MACROD1: variants seen among roughly 807,000 people sequenced by gnomAD.
The protein encoded by MACROD1 is mono-ADP ribosylhydrolase 1.
MACROD1 carries 31 observed loss-of-function variants against 41.4 expected under a neutral mutation model. The observed-to-expected ratio is 0.75, with a 90% CI of 0.56 to 1.01. The LOEUF (loss-of-function observed/expected upper bound fraction) is 1.01, where lower values mean the gene tolerates loss of function less well. Among genes scored for constraint, MACROD1 ranks in the 50% least tolerant of loss-of-function variants. The pLI, the probability that MACROD1 is intolerant of heterozygous loss-of-function variation, is 0.00. For synonymous variants in MACROD1, 252 were observed against 203.4 expected (o/e 1.24, Z -2.03); for missense variants, 473 against 460.0 (o/e 1.03, Z -0.26).
chr11:64,072,258 G>C (rs889825649), intron 3 of MACROD1, among the ~76,000 whole-genome samples: 1 of 152,092 alleles, frequency 6.6e-6, no homozygotes, highest in East Asian at 1.9e-4. Flanking sequence ...CCCACAGATG[G>C]GTACAGGGGT....
chr11:64,151,125 C>A, intron 3 of MACROD1, 114 bp downstream of exon 3: 1 of 867,432 alleles, frequency 1.2e-6, no homozygotes, highest in South Asian at 1.5e-5. Context: ...GCTGTCCTTG[C>A]CAGCAACCCG....
chr11:64,043,069 A>T (rs1943518734), intron 3 of MACROD1, among the ~76,000 whole-genome samples: 1 of 152,196 alleles, frequency 6.6e-6, no homozygotes, highest in Non-Finnish European at 1.5e-5. Context: ...GTTACTTATC[A>T]TCTGAGTACC....
At chr11:64,030,984 T>C (rs1565201005) in intron 3 of MACROD1, among the ~76,000 whole-genome samples, 1 of 149,822 alleles carries the variant, frequency 6.7e-6, no homozygotes, top group Admixed American at 6.6e-5. Flanking sequence ...TGAGGAGGAG[T>C]TGGTTAGGAC....
chr11:64,066,060 G>A (rs778284183), intron 3 of MACROD1, among the ~76,000 whole-genome samples: 1 of 151,922 alleles, frequency 6.6e-6, no homozygotes, highest in Non-Finnish European at 1.5e-5. Flanking sequence ...CTTTGTGGGG[G>A]CTGAGGTGGG....
intron 3 of MACROD1, chr11:64,081,600 CAGGG>C (rs1944304749): frequency 6.6e-6 from 1 of 150,394 alleles, no homozygotes; most frequent in Non-Finnish European, 1.5e-5. Context: ...AGGCCAAAGA[CAGGG>C]AGCAAGGTGA....
intron 3 of MACROD1, among the ~76,000 whole-genome samples, chr11:64,086,316 C>T (rs969542939): frequency 2.6e-5 from 4 of 152,090 alleles, no homozygotes; most frequent in Admixed American, 6.5e-5. Flanking sequence ...CCGGCACCTG[C>T]ACAGCCTGGG....
At position 64,118,338 on chromosome 11, in the gene MACROD1, C is replaced by A. The variant is rs754188520; in HGVS notation, c.517+32901G>T. On this transcript the variant is annotated intron_variant, in intron 3 of 10. Transcript: ENST00000255681. Reference sequence around the variant, plus strand: ...CCCGCCTCAGCCCCAGCTGCCCTGGCGTGGCCATGTGGCTTTGCCCAGCCT... The same window carrying A: ...CCCGCCTCAGCCCCAGCTGCCCTGGAGTGGCCATGTGGCTTTGCCCAGCCT... 7 of 1,507,966 alleles carry A rather than the reference C, an allele frequency of 4.6e-6. No homozygotes were observed. The Admixed American group carries it at 1.3e-4, about 28-fold the overall frequency. The allele number at this position is 1,507,966 out of a possible 1,614,324, so 93.4% of individuals were successfully genotyped here. A position where few individuals can be genotyped will look rare whatever the true frequency, so the allele number is the denominator to read the frequency against.
At chr11:64,026,351 ATGG>A (rs1252234488) in intron 3 of MACROD1, among the ~76,000 whole-genome samples, 6 of 152,068 alleles carry the variant, frequency 3.9e-5, no homozygotes, top group Non-Finnish European at 8.8e-5. Flanking sequence ...TTAATGTTCC[ATGG>A]TGGAACTACC....
intron 3 of MACROD1, among the ~76,000 whole-genome samples, chr11:64,144,705 G>A (rs1479969026): frequency 6.6e-6 from 1 of 152,242 alleles, no homozygotes; most frequent in Non-Finnish European, 1.5e-5. Context: ...CAGCTGCAAA[G>A]TCTGCTGTAC....
chr11:64,051,421 G>A (rs2134413062), intron 3 of MACROD1, among the ~76,000 whole-genome samples: 1 of 152,308 alleles, frequency 6.6e-6, no homozygotes, highest in African/African-American at 2.4e-5. Flanking sequence ...AGTGGTGACA[G>A]TGATGGCGGA....
chr11:64,148,941 A>G (rs1233709539), intron 3 of MACROD1: 1 of 984,966 alleles, frequency 1.0e-6, no homozygotes, highest in African/African-American at 1.8e-5. Flanking sequence ...CTGAAAGGAG[A>G]CTCGGGCTCT....
chr11:64,066,364 G>A (rs1565216913), intron 3 of MACROD1, among the ~76,000 whole-genome samples: 1 of 150,134 alleles, frequency 6.7e-6, no homozygotes, highest in Non-Finnish European at 1.5e-5. Context: ...TGTAGTCCCA[G>A]CACTTTAGGA....
At chr11:64,053,887 C>G (rs1435860449) in intron 3 of MACROD1, among the ~76,000 whole-genome samples, 2 of 152,140 alleles carry the variant, frequency 1.3e-5, no homozygotes, top group Non-Finnish European at 2.9e-5. Flanking sequence ...AGGCCGCATA[C>G]CCGGTTGCTT....
rs752014510 is a variant in MACROD1, at chr11:64,117,858, G to A, written c.517+33381C>T. The A allele has an allele frequency of 9.9e-6, 16 of 1,614,154 alleles. No homozygotes were observed. The highest frequency in any genetic ancestry group is 2.2e-5 in the South Asian group (2 of 91,092). On this transcript the variant is annotated intron_variant, in intron 3 of 10. Transcript: ENST00000255681. ...CGTGTGTGCCAAGGCAGAGACAGCC[G>A]ACAGCTATGGCCCTACCACCACACT...
chr11:64,068,309 G>T (rs1024989430), intron 3 of MACROD1, among the ~76,000 whole-genome samples: 1 of 152,206 alleles, frequency 6.6e-6, no homozygotes, highest in African/African-American at 2.4e-5. Flanking sequence ...GCACCCGCCT[G>T]TCCCACTCTT....
intron 3 of MACROD1, among the ~76,000 whole-genome samples, chr11:64,076,147 C>T (rs943490295): frequency 6.6e-6 from 1 of 152,216 alleles, no homozygotes; most frequent in Non-Finnish European, 1.5e-5. Flanking sequence ...CTGCCCTGAC[C>T]CCAGCGACCT....
chr11:64,116,853 C>A (rs1432611624), intron 3 of MACROD1: 1 of 1,612,480 alleles, frequency 6.2e-7, no homozygotes, highest in Non-Finnish European at 8.5e-7. Flanking sequence ...CCCCTCGGGG[C>A]TGCCGCACAC....
At chr11:64,094,883 G>A (rs1944550195) in intron 3 of MACROD1, among the ~76,000 whole-genome samples, 1 of 152,202 alleles carries the variant, frequency 6.6e-6, no homozygotes, top group South Asian at 2.1e-4. Flanking sequence ...AGTGGATTTC[G>A]CCGAATGTCC....
intron 3 of MACROD1, among the ~76,000 whole-genome samples, chr11:64,038,879 C>T (rs559279519): frequency 1.1e-3 from 174 of 152,286 alleles, no homozygotes; most frequent in African/African-American, 3.3e-3. Flanking sequence ...GCAAGTGACC[C>T]GTCTTCCTCA....
Sources: allele counts gnomAD v4.1 joint callset (sites outside exome capture counted in the v4.1 genomes callset), GRCh38; gene constraint gnomAD v4.1.1; transcripts MANE v1.5; gene names NCBI Gene and HGNC (gene_info 2026-07-23, HGNC 2026-07-21).